The following HIKESHI variants were observed in gnomAD, a reference collection of about 807,000 sequenced individuals.
The protein encoded by HIKESHI is heat shock protein nuclear import factor hikeshi.
Under a neutral mutation model 25.7 loss-of-function variants are expected in HIKESHI, and 13 were observed. The observed-to-expected ratio is 0.51, with a 90% confidence interval of 0.33 to 0.80. The LOEUF (loss-of-function observed/expected upper bound fraction) is 0.80. Among genes scored for constraint, HIKESHI ranks in the 30% least tolerant of loss-of-function variants. The pLI is 0.02. For missense variants in HIKESHI, 174 were observed against 229.5 expected, an observed-to-expected ratio of 0.76 and a Z score of 1.56; for synonymous variants, 76 against 78.7, an observed-to-expected ratio of 0.97 and a Z score of 0.18.
At chr11:86,327,067 C>G (rs1947300507) in intron 2 of HIKESHI, among the ~76,000 whole-genome samples, 1 of 151,914 alleles carries the variant, frequency 6.6e-6, no homozygotes, top group African/African-American at 2.4e-5. Flanking sequence ...TCTCTAAAAC[C>G]AAACCAAAAC....
intron 3 of HIKESHI, among the ~76,000 whole-genome samples, chr11:86,341,695 T>C (rs902737173): frequency 1.3e-5 from 2 of 152,008 alleles, no homozygotes; most frequent in Non-Finnish European, 2.9e-5. Flanking sequence ...GCCCAGACTG[T>C]CCTTTCTTTT....
At chr11:86,342,016 A>G (rs1947743693) in intron 3 of HIKESHI, among the ~76,000 whole-genome samples, 1 of 152,086 alleles carries the variant, frequency 6.6e-6, no homozygotes, top group Non-Finnish European at 1.5e-5. Flanking sequence ...TTCCTTTTTC[A>G]TATGTTCTCA....
intron 3 of HIKESHI, among the ~76,000 whole-genome samples, chr11:86,341,280 T>G (rs1281768279): frequency 6.6e-6 from 1 of 152,154 alleles, no homozygotes; most frequent in African/African-American, 2.4e-5. Flanking sequence ...AAGGTAAATA[T>G]TTTTCAGAAT....
At chr11:86,335,398 G>A (rs1304107475) in intron 2 of HIKESHI, among the ~76,000 whole-genome samples, 1 of 152,172 alleles carries the variant, frequency 6.6e-6, no homozygotes, top group East Asian at 1.9e-4. Context: ...ATGCTTTGGG[G>A]AATGAGGGCT....
chr11:86,327,207 T>C (rs946434183), intron 2 of HIKESHI, among the ~76,000 whole-genome samples: 6 of 152,242 alleles, frequency 3.9e-5, no homozygotes, highest in African/African-American at 1.4e-4. Context: ...GTAGCATATA[T>C]TGAATATCTG....
chr11:86,319,460 C>G (rs942845230), intron 2 of HIKESHI, among the ~76,000 whole-genome samples: 1 of 141,870 alleles, frequency 7.0e-6, no homozygotes, highest in Non-Finnish European at 1.6e-5. Flanking sequence ...TTTTGCCATG[C>G]TGCCCAGGCT....
At chr11:86,328,737 T>C (rs1324556315) in intron 2 of HIKESHI, among the ~76,000 whole-genome samples, 1 of 151,838 alleles carries the variant, frequency 6.6e-6, no homozygotes, top group African/African-American at 2.4e-5. Flanking sequence ...CCACCATGCC[T>C]GACCCTATTT....
At chr11:86,336,796 A>G (rs544643275) in intron 2 of HIKESHI, among the ~76,000 whole-genome samples, 8 of 152,344 alleles carry the variant, frequency 5.3e-5, no homozygotes, top group African/African-American at 1.9e-4. Flanking sequence ...CAAACTGTCA[A>G]AAGGTAAAGA....
intron 2 of HIKESHI, among the ~76,000 whole-genome samples, chr11:86,336,666 A>G (rs1947569159): frequency 6.6e-6 from 1 of 152,232 alleles, no homozygotes. Flanking sequence ...TGAACAGACT[A>G]AAACAATATT....
At chr11:86,324,188 A>G (rs1947216593) in intron 2 of HIKESHI, 1 of 152,096 alleles carries the variant, frequency 6.6e-6, no homozygotes, top group African/African-American at 2.4e-5. Flanking sequence ...ATTGCTACCA[A>G]ACTTAGTGTG....
chr11:86,343,754 A>G (rs1365405932), intron 3 of HIKESHI: 3 of 152,230 alleles, frequency 2.0e-5, no homozygotes, highest in Non-Finnish European at 2.9e-5. Flanking sequence ...GAATAAAAAA[A>G]CCTAATAAGA....
chr11:86,324,652 G>A (rs1947230680), intron 2 of HIKESHI, among the ~76,000 whole-genome samples: 1 of 152,102 alleles, frequency 6.6e-6, no homozygotes, highest in Admixed American at 6.6e-5. Flanking sequence ...AAGAATAGGT[G>A]AATTTGTAAT....
intron 2 of HIKESHI, among the ~76,000 whole-genome samples, chr11:86,328,386 G>A (rs2138374958): frequency 6.6e-6 from 1 of 150,468 alleles, no homozygotes; most frequent in Non-Finnish European, 1.5e-5. Flanking sequence ...AGCTTCCTGA[G>A]TAGCTGGGAC....
chr11:86,335,822 CT>C (rs1416261623), intron 2 of HIKESHI, among the ~76,000 whole-genome samples: 1 of 152,162 alleles, frequency 6.6e-6, no homozygotes, highest in East Asian at 1.9e-4. Context: ...GTGGAAACAT[CT>C]GATTTATAGC....
intron 2 of HIKESHI, among the ~76,000 whole-genome samples, chr11:86,331,873 T>A (rs1947433437): frequency 6.6e-6 from 1 of 152,164 alleles, no homozygotes; most frequent in South Asian, 2.1e-4. Context: ...TAGGAATGCT[T>A]TCAAGCAGGC....
chr11:86,343,307 GAT>G (rs1947783505), intron 3 of HIKESHI, among the ~76,000 whole-genome samples: 1 of 87,672 alleles, frequency 1.1e-5, no homozygotes, highest in African/African-American at 4.4e-5. Flanking sequence ...GACTGCTGTT[GAT>G]TTTTTTTTTT....
chr11:86,332,862 C>T (rs1453735080), intron 2 of HIKESHI, among the ~76,000 whole-genome samples: 1 of 152,222 alleles, frequency 6.6e-6, no homozygotes, highest in African/African-American at 2.4e-5. Flanking sequence ...GCCTGTGGGC[C>T]TTGGTTTGTC....
intron 2 of HIKESHI, among the ~76,000 whole-genome samples, chr11:86,321,537 T>A (rs1410509042): frequency 9.3e-6 from 1 of 107,778 alleles, no homozygotes; most frequent in African/African-American, 4.7e-5. Context: ...TGTTTTACAT[T>A]TTTTTTTTTT....
chr11:86,313,083 G>A (rs1449198729), intron 2 of HIKESHI, among the ~76,000 whole-genome samples: 2 of 152,044 alleles, frequency 1.3e-5, no homozygotes, highest in African/African-American at 4.8e-5. Context: ...TTGCAGAGCC[G>A]TAATTCTTTG....
Sources: allele counts gnomAD v4.1 joint callset (sites outside exome capture counted in the v4.1 genomes callset), GRCh38; gene constraint gnomAD v4.1.1; transcripts MANE v1.5; gene names NCBI Gene and HGNC (gene_info 2026-07-23, HGNC 2026-07-21).